The following DNM3 variants were observed in gnomAD, a reference collection of about 807,000 sequenced individuals.
DNM3 encodes the protein dynamin 3.
DNM3 carries 47 observed loss-of-function variants against 101.6 expected under a neutral mutation model. The observed-to-expected ratio is 0.46, with a 90% confidence interval of 0.37 to 0.59. The LOEUF is 0.59. DNM3 is among the 20% of genes least tolerant of loss of function. The pLI, the probability that DNM3 is intolerant of heterozygous loss-of-function variation, is 0.00. For synonymous variants in DNM3, 385 were observed against 387.9 expected (o/e 0.99, Z 0.09); for missense variants, 849 against 1,085.7 (o/e 0.78, Z 3.06).
intron 14 of DNM3, among the ~76,000 whole-genome samples, chr1:172,185,766 G>C (rs1403470084): frequency 6.6e-6 from 1 of 152,066 alleles, no homozygotes; most frequent in Non-Finnish European, 1.5e-5. Context: ...AGTCAACTAA[G>C]TTTATTTCAT....
chr1:172,193,338 C>T (rs2059811897), intron 14 of DNM3, among the ~76,000 whole-genome samples: 1 of 152,090 alleles, frequency 6.6e-6, no homozygotes. Context: ...TGTTGTGTCC[C>T]TGCCAGGCTT....
chr1:172,194,942 G>A (rs536896790), intron 14 of DNM3, among the ~76,000 whole-genome samples: 1 of 152,150 alleles, frequency 6.6e-6, no homozygotes, highest in South Asian at 2.1e-4. Context: ...AGTTGATGCA[G>A]TTTCTTCCTA....
At chr1:172,002,377 C>G (rs577885691) in intron 4 of DNM3, among the ~76,000 whole-genome samples, 1 of 151,972 alleles carries the variant, frequency 6.6e-6, no homozygotes, top group African/African-American at 2.4e-5. Context: ...AAAGACTAAA[C>G]CTGAAGGGTT....
At chr1:171,916,519 A>C (rs1442657086) in intron 1 of DNM3, among the ~76,000 whole-genome samples, 4 of 152,200 alleles carry the variant, frequency 2.6e-5, no homozygotes, top group Non-Finnish European at 4.4e-5. Context: ...GGGCATCAGA[A>C]GGAGATTCCA....
chr1:172,073,467 A>G (rs28378748), intron 11 of DNM3, among the ~76,000 whole-genome samples: 7,425 of 152,272 alleles, frequency 0.049, 328 homozygotes, highest in East Asian at 0.18. Context: ...ATACATATAC[A>G]TAATTTTCTG....
intron 1 of DNM3, among the ~76,000 whole-genome samples, chr1:171,853,301 C>A (rs2033193807): frequency 6.6e-6 from 1 of 151,950 alleles, no homozygotes; most frequent in Non-Finnish European, 1.5e-5. Context: ...GTAGCTGAGA[C>A]CACAAGTCCG....
chr1:171,870,909 GA>G lies in DNM3; in HGVS notation c.161+29093del, dbSNP rs1345232609. ...CCCAGAGTACGACAGAATTTGAGAA[GA>G]CAGAGAAAAAGGTGGAAGATGTGTC... On this transcript the variant is annotated intron_variant, in intron 1 of 20. Transcript: ENST00000627582. Among the ~76,000 whole-genome samples, 5 of 152,140 alleles carry G rather than the reference GA, an allele frequency of 3.3e-5. No individual in the cohort carries two copies. In the East Asian group the frequency reaches 7.7e-4, roughly 24 times the overall value.
Position 172,410,425 on chromosome 1 carries a change from C to A in DNM3, c.*2584C>A. The A allele has an allele frequency of 1.0e-6, 1 of 984,938 alleles. No homozygotes were observed. Among genetic ancestry groups the A allele is most frequent in the Non-Finnish European group, 1.2e-6 (1 of 829,536 alleles). The allele number at this position is 984,938 out of a possible 1,614,324, so 61.0% of individuals were successfully genotyped here. ...CACAATAGATGTAGCTCTATCATGTCTAGCATAATTTAAAAAATCAGTGTT... is the reference window on the plus strand; with the variant it reads ...CACAATAGATGTAGCTCTATCATGTATAGCATAATTTAAAAAATCAGTGTT... On this transcript the variant is annotated 3_prime_UTR_variant, in exon 21 of 21. Coordinates refer to ENST00000627582, the MANE Select transcript of DNM3 (RefSeq NM_015569.5).
At chr1:172,381,005 C>T (rs1368316062) in intron 18 of DNM3, 1 of 151,348 alleles carries the variant, frequency 6.6e-6, no homozygotes, top group Non-Finnish European at 1.5e-5. Flanking sequence ...ACAAAAAACC[C>T]CTATTGCAAA....
At position 172,198,943 on chromosome 1, in the gene DNM3, C is replaced by A. The variant is rs182766176; in HGVS notation, c.1660-54630C>A. 2.6e-5 allele frequency among the ~76,000 whole-genome samples: 4 copies of A among 152,124 alleles called. No homozygotes were observed. In the East Asian group the frequency reaches 7.7e-4, roughly 29 times the overall value. On this transcript the variant is annotated intron_variant, in intron 14 of 20. Transcript: ENST00000627582. ...TTTAATTTTTGATATTTCTCATCTTCTGCTAGCTTTGGGATTGATTTGTTC... is the reference window on the plus strand; with the variant it reads ...TTTAATTTTTGATATTTCTCATCTTATGCTAGCTTTGGGATTGATTTGTTC...
chr1:172,017,448 C>G (rs1010561969), intron 4 of DNM3, among the ~76,000 whole-genome samples: 1 of 151,814 alleles, frequency 6.6e-6, no homozygotes, highest in Non-Finnish European at 1.5e-5. Context: ...ATTTTTTTTA[C>G]CCATATGTTA....
chr1:172,127,595 G>C (rs972169800), intron 13 of DNM3, among the ~76,000 whole-genome samples: 1 of 151,530 alleles, frequency 6.6e-6, no homozygotes, highest in Non-Finnish European at 1.5e-5. Context: ...ATTTTTTGTA[G>C]AGATAGGGTT....
intron 17 of DNM3, among the ~76,000 whole-genome samples, chr1:172,354,509 C>T (rs1558035380): frequency 6.6e-6 from 1 of 152,164 alleles, no homozygotes; most frequent in Non-Finnish European, 1.5e-5. Flanking sequence ...CTTCCTCCTG[C>T]TTCTATCACA....
chr1:172,087,229 T>C (rs1382676527), intron 12 of DNM3, among the ~76,000 whole-genome samples: 1 of 152,166 alleles, frequency 6.6e-6, no homozygotes, highest in African/African-American at 2.4e-5. Flanking sequence ...CTCTTTTCAC[T>C]CTAGCCACTT....
At chr1:172,028,409 G>A (rs182290667) in intron 4 of DNM3, among the ~76,000 whole-genome samples, 2 of 152,290 alleles carry the variant, frequency 1.3e-5, no homozygotes, top group East Asian at 3.9e-4. Context: ...CTGGAACACA[G>A]CTAAAGCAGT....
rs1014582194 is a variant in DNM3 at position 172,412,405 on chromosome 1, C to T, written c.*4564C>T. 1.0e-6 allele frequency: 1 copy of T among 985,728 alleles called. No individual in the cohort carries two copies. Among genetic ancestry groups the T allele is most frequent in the Non-Finnish European group, 1.2e-6 (1 of 829,890 alleles). The allele number at this position is 985,728 out of a possible 1,614,324, so 61.1% of individuals were successfully genotyped here. Reference sequence around the variant, plus strand: ...TATATTTCCTATGTACATGTACAGCCTTTGTTTTGCTTGCTTGTCTATTTT... The same window carrying T: ...TATATTTCCTATGTACATGTACAGCTTTTGTTTTGCTTGCTTGTCTATTTT... On this transcript the variant is annotated 3_prime_UTR_variant, in exon 21 of 21. Coordinates refer to ENST00000627582, the MANE Select transcript of DNM3 (RefSeq NM_015569.5).
chr1:171,931,313 T>C (rs1008542081), intron 2 of DNM3, among the ~76,000 whole-genome samples: 3 of 152,210 alleles, frequency 2.0e-5, no homozygotes, highest in African/African-American at 7.2e-5. Flanking sequence ...TTTAACCATT[T>C]TTATAATGTT....
chr1:172,294,767 G>A (rs1397808066), intron 15 of DNM3, among the ~76,000 whole-genome samples: 2 of 138,834 alleles, frequency 1.4e-5, no homozygotes, highest in Non-Finnish European at 1.5e-5. Context: ...ACCAAAATTA[G>A]CCAGGCTGGG....
chr1:171,936,159 C>A (rs1461286599), intron 2 of DNM3, among the ~76,000 whole-genome samples: 6 of 151,848 alleles, frequency 4.0e-5, no homozygotes, highest in African/African-American at 1.5e-4. Flanking sequence ...AAGTTTGAGA[C>A]CAGCCTGGCC....
Sources: gnomAD v4.1 joint callset for allele counts (sites outside exome capture counted in the v4.1 genomes callset) on GRCh38, gnomAD v4.1.1 for gene constraint, MANE v1.5 for transcripts, NCBI Gene and HGNC (gene_info 2026-07-23, HGNC 2026-07-21) for gene names.